Variants in PNPLA8 observed in about 807,000 individuals in gnomAD.
The protein encoded by PNPLA8 is calcium-independent phospholipase A2-gamma.
In PNPLA8, 39 loss-of-function variants were observed where a neutral mutation model predicts 76.9. The observed-to-expected ratio is 0.51, with a 90% confidence interval of 0.39 to 0.66. PNPLA8 has a LOEUF of 0.66. PNPLA8 is among the 30% of genes least tolerant of loss of function. The pLI, the probability that PNPLA8 is intolerant of heterozygous loss-of-function variation, is 0.00. For missense variants in PNPLA8, 887 were observed against 918.0 expected (o/e 0.97, Z 0.44); for synonymous variants, 301 against 307.9 (o/e 0.98, Z 0.24).
At chr7:108,484,650 G>A (rs1055675099) in intron 9 of PNPLA8, among the ~76,000 whole-genome samples, 5 of 151,956 alleles carry the variant, frequency 3.3e-5, no homozygotes, top group African/African-American at 9.7e-5. Context: ...TATACATCAA[G>A]TCAGATGACA....
upstream of PNPLA8, among the ~76,000 whole-genome samples, chr7:108,527,051 TTGAAG>T (rs781538182): frequency 6.6e-6 from 1 of 152,244 alleles, no homozygotes; most frequent in Non-Finnish European, 1.5e-5. Context: ...CCTTACCCTC[TTGAAG>T]TGACCTTGCA....
chr7:108,522,281 G>A (rs1327992644), intron 1 of PNPLA8, among the ~76,000 whole-genome samples: 3 of 147,130 alleles, frequency 2.0e-5, no homozygotes, highest in Non-Finnish European at 3.0e-5. Flanking sequence ...GTGACAGAGC[G>A]AGACTCCCTC....
intron 4 of PNPLA8, among the ~76,000 whole-genome samples, chr7:108,505,321 TATATATATATATATATATATATATATA>T (rs1862280925): frequency 1.4e-3 from 5 of 3,686 alleles, no homozygotes; most frequent in Non-Finnish European, 2.0e-3. Flanking sequence ...TATATATATA[TATATATATATATATATATATATATATA>T]TATATTTTTT....
intron 9 of PNPLA8, among the ~76,000 whole-genome samples, chr7:108,480,444 C>T (rs545729231): frequency 1.3e-5 from 2 of 152,324 alleles, no homozygotes; most frequent in South Asian, 2.1e-4. Context: ...ACTGCTCAGC[C>T]TCCTTCTCCT....
chr7:108,479,541 G>A (rs1217374051), intron 9 of PNPLA8, 162 bp from the exon 10 acceptor site: 1 of 628,792 alleles, frequency 1.6e-6, no homozygotes, highest in Non-Finnish European at 2.8e-6. Flanking sequence ...AGACTCATTG[G>A]TCTCATAAAG....
intron 10 of PNPLA8, among the ~76,000 whole-genome samples, chr7:108,477,741 G>A (rs903105825): frequency 1.3e-5 from 2 of 152,122 alleles, no homozygotes; most frequent in African/African-American, 4.8e-5. Flanking sequence ...GTATGCACCT[G>A]TAGTCCCAGC....
chr7:108,499,792 C>T (rs1216419636), intron 5 of PNPLA8, among the ~76,000 whole-genome samples: 1 of 152,192 alleles, frequency 6.6e-6, no homozygotes, highest in African/African-American at 2.4e-5. Flanking sequence ...ACACTGATTT[C>T]CTCCCTATAT....
At chr7:108,508,768 T>A (rs1862650654) in intron 4 of PNPLA8, among the ~76,000 whole-genome samples, 1 of 152,020 alleles carries the variant, frequency 6.6e-6, no homozygotes, top group Non-Finnish European at 1.5e-5. Flanking sequence ...CTACCTGGCT[T>A]CAAACTATAC....
chr7:108,521,173 T>C (rs1863713792), intron 2 of PNPLA8, among the ~76,000 whole-genome samples: 1 of 151,246 alleles, frequency 6.6e-6, no homozygotes, highest in Non-Finnish European at 1.5e-5. Flanking sequence ...GATTTAGAAA[T>C]AGAAAAAAAT....
chr7:108,510,209 C>G, intron 4 of PNPLA8: 3 of 989,088 alleles, frequency 3.0e-6, no homozygotes, highest in Non-Finnish European at 4.5e-6. Context: ...AAACCGGTAA[C>G]TAGCTCTTTT....
chr7:108,508,860 G>A (rs1178448227), intron 4 of PNPLA8, among the ~76,000 whole-genome samples: 1 of 141,394 alleles, frequency 7.1e-6, no homozygotes, highest in African/African-American at 2.7e-5. Flanking sequence ...AGAGCCCTCA[G>A]AAATAACGCC....
At chr7:108,504,704 C>T (rs112923667) in intron 4 of PNPLA8, among the ~76,000 whole-genome samples, 324 of 152,346 alleles carry the variant, frequency 2.1e-3, no homozygotes, top group African/African-American at 7.0e-3. Flanking sequence ...AGGATTTATA[C>T]TACCTAGGTT....
chr7:108,516,737 C>A (rs919008471), intron 2 of PNPLA8, among the ~76,000 whole-genome samples: 30 of 152,064 alleles, frequency 2.0e-4, no homozygotes, highest in African/African-American at 7.2e-4. Context: ...CCCATCTCTA[C>A]CAAAAATACA....
chr7:108,490,444 T>C (rs778263043), intron 8 of PNPLA8, among the ~76,000 whole-genome samples: 1 of 152,230 alleles, frequency 6.6e-6, no homozygotes, highest in Non-Finnish European at 1.5e-5. Context: ...AAGTGATGCA[T>C]GATTGTATTG....
At chr7:108,521,681 G>A (rs1863748402) in intron 1 of PNPLA8, among the ~76,000 whole-genome samples, 160 bp from the exon 2 acceptor site, 1 of 152,036 alleles carries the variant, frequency 6.6e-6, no homozygotes, top group African/African-American at 2.4e-5. Context: ...CTGAATGAAG[G>A]GAGGAAGAAA....
chr7:108,516,629 G>A (rs1301530851), intron 2 of PNPLA8, among the ~76,000 whole-genome samples: 1 of 152,188 alleles, frequency 6.6e-6, no homozygotes, highest in Non-Finnish European at 1.5e-5. Flanking sequence ...CTGGCCAGGC[G>A]TGGTGGCTCA....
intron 3 of PNPLA8, 38 bp from the exon 4 acceptor site, chr7:108,514,331 A>G: frequency 1.9e-6 from 3 of 1,562,138 alleles, no homozygotes; most frequent in East Asian, 4.5e-5. Flanking sequence ...TTAGAATACA[A>G]AACTGCTCTA....
chr7:108,522,114 T>C (rs1380617539), intron 1 of PNPLA8, among the ~76,000 whole-genome samples: 1 of 151,602 alleles, frequency 6.6e-6, no homozygotes, highest in Non-Finnish European at 1.5e-5. Context: ...GCCAATATGG[T>C]GAAACCCCGT....
At chr7:108,475,912 A>G (rs535509095) in intron 10 of PNPLA8, among the ~76,000 whole-genome samples, 1 of 152,236 alleles carries the variant, frequency 6.6e-6, no homozygotes, top group South Asian at 2.1e-4. Context: ...CTGGTCCCTA[A>G]TAGTTTATGA....
Sources: allele counts gnomAD v4.1 joint callset (sites outside exome capture counted in the v4.1 genomes callset), GRCh38; gene constraint gnomAD v4.1.1; transcripts MANE v1.5; gene names NCBI Gene and HGNC (gene_info 2026-07-23, HGNC 2026-07-21).